Variants in JAKMIP2 observed in about 807,000 individuals in gnomAD.
The protein encoded by JAKMIP2 is janus kinase and microtubule-interacting protein 2.
In JAKMIP2, 25 loss-of-function variants were observed where a neutral mutation model predicts 115.0. That is an observed-to-expected ratio of 0.22 (90% CI 0.16 to 0.30). The LOEUF (loss-of-function observed/expected upper bound fraction) is 0.30, where lower values mean the gene tolerates loss of function less well. JAKMIP2 is among the 10% of genes least tolerant of loss of function. The probability of loss-of-function intolerance (pLI) is 1.00; values close to 1 mark genes in which losing one functional copy is unlikely to be tolerated. For missense variants in JAKMIP2, 642 were observed against 957.6 expected (o/e 0.67, Z 4.35); for synonymous variants, 334 against 343.6 (o/e 0.97, Z 0.31).
intron 16 of JAKMIP2, among the ~76,000 whole-genome samples, chr5:147,624,713 T>A (rs1757014320): frequency 6.6e-6 from 1 of 152,146 alleles, no homozygotes; most frequent in Non-Finnish European, 1.5e-5. Flanking sequence ...GCAAGTTAAA[T>A]GTCAGCTTAT....
chr5:147,686,619 T>C (rs1019982940), intron 1 of JAKMIP2, among the ~76,000 whole-genome samples: 4 of 152,164 alleles, frequency 2.6e-5, no homozygotes, highest in Non-Finnish European at 5.9e-5. Flanking sequence ...CAAAATGAAC[T>C]TATCATTGGC....
chr5:147,632,842 T>C (rs1757429427), intron 12 of JAKMIP2, 64 bp from the exon 13 acceptor site: 1 of 995,358 alleles, frequency 1.0e-6, no homozygotes, highest in African/African-American at 1.6e-5. Flanking sequence ...TTGCAAAGCA[T>C]GAATAGTGTT....
At chr5:147,614,142 C>T (rs751174362) in intron 19 of JAKMIP2, among the ~76,000 whole-genome samples, 1 of 152,170 alleles carries the variant, frequency 6.6e-6, no homozygotes, top group Non-Finnish European at 1.5e-5. Context: ...CACATCTATG[C>T]TTGTTGGGCA....
At chr5:147,718,814 A>C (rs1391004931) in intron 1 of JAKMIP2, among the ~76,000 whole-genome samples, 1 of 151,580 alleles carries the variant, frequency 6.6e-6, no homozygotes, top group Non-Finnish European at 1.5e-5. Flanking sequence ...GGATTCATTT[A>C]TTTTTTGAAG....
intron 17 of JAKMIP2, 135 bp from the exon 18 acceptor site, chr5:147,620,878 G>T: frequency 1.6e-6 from 1 of 613,562 alleles, no homozygotes; most frequent in Non-Finnish European, 2.8e-6. Flanking sequence ...AATTTTGTCT[G>T]TTAGGGAAAT....
At chr5:147,716,500 G>C (rs1753003526) in intron 1 of JAKMIP2, among the ~76,000 whole-genome samples, 1 of 151,306 alleles carries the variant, frequency 6.6e-6, no homozygotes, top group Admixed American at 6.6e-5. Context: ...ATCCTCTCCA[G>C]CACCTGCTGT....
intron 1 of JAKMIP2, among the ~76,000 whole-genome samples, chr5:147,702,120 G>A (rs936623840): frequency 2.6e-5 from 4 of 152,064 alleles, no homozygotes; most frequent in African/African-American, 9.7e-5. Flanking sequence ...ACACACTTTT[G>A]TCTAGTGAAA....
chr5:147,624,636 G>A (rs1232398783), intron 16 of JAKMIP2, among the ~76,000 whole-genome samples: 2 of 152,176 alleles, frequency 1.3e-5, no homozygotes, highest in African/African-American at 2.4e-5. Context: ...TCTGAATGCA[G>A]ACTTTGAATA....
chr5:147,724,689 T>C (rs1753447228), intron 1 of JAKMIP2, among the ~76,000 whole-genome samples: 1 of 152,198 alleles, frequency 6.6e-6, no homozygotes, highest in Non-Finnish European at 1.5e-5. Context: ...ACAATGGTGA[T>C]ATAGAAGGAA....
chr5:147,744,271 G>T (rs756298245), intron 1 of JAKMIP2, among the ~76,000 whole-genome samples: 12 of 152,126 alleles, frequency 7.9e-5, no homozygotes, highest in Non-Finnish European at 1.8e-4. Flanking sequence ...GGCCAGCTGT[G>T]TCATATTTAA....
chr5:147,646,766 A>T (rs891065796), intron 5 of JAKMIP2, among the ~76,000 whole-genome samples: 1 of 151,704 alleles, frequency 6.6e-6, no homozygotes, highest in South Asian at 2.1e-4. Context: ...TTAAGCCAAG[A>T]AGTATTACCA....
chr5:147,616,116 G>A (rs1463821319), intron 19 of JAKMIP2, among the ~76,000 whole-genome samples: 1 of 152,012 alleles, frequency 6.6e-6, no homozygotes, highest in Non-Finnish European at 1.5e-5. Flanking sequence ...AGAGAAGTAA[G>A]GATAAGAACG....
rs1400209640 is a variant in JAKMIP2, at chr5:147,636,154, C to A, written c.1677+68G>T. On this transcript the variant is annotated intron_variant, in intron 12 of 21. Transcript: ENST00000616793. ...GGCCCCTGTGCCACTCCTGAGAGCA[C>A]CCCCTGCTGCTCCTGGATCTCTCAT... 2.7e-5 allele frequency: 36 copies of A among 1,320,452 alleles called. No homozygotes were observed. In the South Asian group the frequency reaches 4.0e-4, roughly 15 times the overall value. The allele number at this position is 1,320,452 out of a possible 1,614,324, so 81.8% of individuals were successfully genotyped here. A position where few individuals can be genotyped will look rare whatever the true frequency, so the allele number is the denominator to read the frequency against.
At chr5:147,595,644 CAGAA>C in intron 21 of JAKMIP2, 1 of 395,024 alleles carries the variant, frequency 2.5e-6, no homozygotes, top group South Asian at 1.9e-5. Context: ...CTCCATTATG[CAGAA>C]TTGTTGTAAG....
At chr5:147,687,917 A>G (rs2126851298) in intron 1 of JAKMIP2, among the ~76,000 whole-genome samples, 1 of 152,342 alleles carries the variant, frequency 6.6e-6, no homozygotes, top group South Asian at 2.1e-4. Flanking sequence ...GCCCAATGTC[A>G]TGCAACTTGT....
At chr5:147,776,483 G>A (rs1204646074) in intron 1 of JAKMIP2, among the ~76,000 whole-genome samples, 2 of 152,194 alleles carry the variant, frequency 1.3e-5, no homozygotes, top group Non-Finnish European at 2.9e-5. Context: ...CTGCAGAACA[G>A]TAAGTCAATT....
At chr5:147,639,143 C>T (rs1318693023) in intron 10 of JAKMIP2, among the ~76,000 whole-genome samples, 1 of 152,088 alleles carries the variant, frequency 6.6e-6, no homozygotes, top group African/African-American at 2.4e-5. Flanking sequence ...TTCAATTAAC[C>T]TCTCTGAGTG....
intron 1 of JAKMIP2, among the ~76,000 whole-genome samples, chr5:147,674,197 T>C (rs567457888): frequency 2.6e-5 from 4 of 152,326 alleles, no homozygotes; most frequent in African/African-American, 9.6e-5. Flanking sequence ...TTGTCCCAGA[T>C]ATAAGCCTAG....
chr5:147,665,148 A>G (rs1759229660), intron 2 of JAKMIP2, among the ~76,000 whole-genome samples: 1 of 152,166 alleles, frequency 6.6e-6, no homozygotes, highest in South Asian at 2.1e-4. Flanking sequence ...CATGAGCCAA[A>G]TCCATCCTGC....
Sources: allele counts gnomAD v4.1 joint callset (sites outside exome capture counted in the v4.1 genomes callset), GRCh38; gene constraint gnomAD v4.1.1; transcripts MANE v1.5; gene names NCBI Gene and HGNC (gene_info 2026-07-23, HGNC 2026-07-21).